AGPS: variants seen among roughly 807,000 people sequenced by gnomAD.
The protein encoded by AGPS is alkylglycerone phosphate synthase, also known as alkyldihydroxyacetonephosphate synthase, peroxisomal.
AGPS carries 26 observed loss-of-function variants against 90.7 expected under a neutral mutation model. The observed-to-expected ratio is 0.29, with a 90% CI of 0.21 to 0.40. The LOEUF (loss-of-function observed/expected upper bound fraction) is 0.40. Ranked by LOEUF, AGPS falls within the 10% of genes least tolerant of loss-of-function variation. The pLI is 1.00. For missense variants in AGPS, 540 were observed against 816.1 expected (o/e 0.66, Z 4.12); for synonymous variants, 294 against 285.3 (o/e 1.03, Z -0.31).
At chr2:177,412,566 C>G (rs1334661467) in intron 1 of AGPS, among the ~76,000 whole-genome samples, 4 of 152,070 alleles carry the variant, frequency 2.6e-5, no homozygotes, top group Non-Finnish European at 5.9e-5. Flanking sequence ...CCTGTATTTT[C>G]CTCTGATTCT....
rs1161565847 is a variant in AGPS, at chr2:177,542,204, T to C, written c.*4009T>C. 6.6e-6 allele frequency: 1 copy of C among 152,178 alleles called. No homozygotes were observed. Among genetic ancestry groups the C allele is most frequent in the African/African-American group, 2.4e-5 (1 of 41,450 alleles). 9.4% of individuals were successfully genotyped at this position (152,178 alleles called of 1,614,324 possible). A position where few individuals can be genotyped will look rare whatever the true frequency, so the allele number is the denominator to read the frequency against. ...TAGCATAATCAAGTGCAAAATCAAG[T>C]GCAACCTACTTGTGACTAAATCTCT... On this transcript the variant is annotated 3_prime_UTR_variant, in exon 20 of 20. Coordinates refer to ENST00000264167, the MANE Select transcript of AGPS (RefSeq NM_003659.4).
chr2:177,430,848 T>C (rs190900916), intron 2 of AGPS, among the ~76,000 whole-genome samples: 1 of 152,326 alleles, frequency 6.6e-6, no homozygotes, highest in Non-Finnish European at 1.5e-5. Context: ...AATGTCACTA[T>C]TTTTGACTTT....
intron 19 of AGPS, among the ~76,000 whole-genome samples, chr2:177,532,982 G>A (rs867720043): frequency 7.9e-5 from 12 of 152,312 alleles, no homozygotes; most frequent in Non-Finnish European, 1.8e-4. Flanking sequence ...TGAGGCTGGA[G>A]AGGGTGTGAC....
intron 14 of AGPS, among the ~76,000 whole-genome samples, chr2:177,504,269 C>A (rs2218575): frequency 0.84 from 128,082 of 152,112 alleles, 54,116 homozygotes; most frequent in East Asian, 0.95. Flanking sequence ...TTTTCCTTTA[C>A]GCACTTGCCA....
rs558096287 is a variant in AGPS at position 177,468,585 on chromosome 2, ATCTT to A, written c.1105+63_1105+66del. On this transcript the variant is annotated intron_variant, in intron 10 of 19. Transcript: ENST00000264167. ...AGGTTAGTCATGCAGTTTTGTGAAAATCTTTATATTGTGACATCAGATCTTTGAA... is the reference window on the plus strand; with the variant it reads ...AGGTTAGTCATGCAGTTTTGTGAAAATATATTGTGACATCAGATCTTTGAA... 8.4e-4 allele frequency: 983 copies of A among 1,172,338 alleles called. 10 individuals carry two copies. The African/African-American group carries it at 0.013, about 16-fold the overall frequency. 72.6% of individuals were successfully genotyped at this position (1,172,338 alleles called of 1,614,324 possible).
intron 19 of AGPS, among the ~76,000 whole-genome samples, chr2:177,536,995 G>A (rs568281532): frequency 1.3e-5 from 2 of 152,268 alleles, no homozygotes; most frequent in Admixed American, 6.5e-5. Flanking sequence ...TCCCATTTCA[G>A]TTGGTCAATT....
At chr2:177,509,393 G>A (rs1181026769) in intron 16 of AGPS, among the ~76,000 whole-genome samples, 1 of 152,154 alleles carries the variant, frequency 6.6e-6, no homozygotes. Context: ...GCGGCTGGGC[G>A]CGGTGGCTCA....
intron 9 of AGPS, among the ~76,000 whole-genome samples, chr2:177,464,656 A>G (rs1687396164): frequency 6.6e-6 from 1 of 152,228 alleles, no homozygotes; most frequent in Non-Finnish European, 1.5e-5. Flanking sequence ...ATACTTCTCA[A>G]TTTAGTGAAT....
intron 11 of AGPS, among the ~76,000 whole-genome samples, chr2:177,484,168 A>T (rs1379189918): frequency 1.3e-5 from 2 of 152,032 alleles, no homozygotes; most frequent in East Asian, 3.9e-4. Context: ...TTGTGTAATG[A>T]TTTTGGATTA....
chr2:177,421,497 A>G (rs1266029244), intron 2 of AGPS, among the ~76,000 whole-genome samples: 1 of 152,042 alleles, frequency 6.6e-6, no homozygotes, highest in Non-Finnish European at 1.5e-5. Context: ...CCTCAGGAAT[A>G]GTAATTTGAA....
chr2:177,416,493 A>T (rs1685787463), intron 1 of AGPS, among the ~76,000 whole-genome samples: 1 of 151,918 alleles, frequency 6.6e-6, no homozygotes, highest in South Asian at 2.1e-4. Context: ...AATCAAGCCA[A>T]CTATTCTTTC....
At chr2:177,535,042 G>A (rs1044519037) in intron 19 of AGPS, among the ~76,000 whole-genome samples, 2 of 152,076 alleles carry the variant, frequency 1.3e-5, no homozygotes, top group Non-Finnish European at 2.9e-5. Context: ...TTCAGAGATG[G>A]TGATCTTGGC....
intron 8 of AGPS, 150 bp from the exon 9 acceptor site, chr2:177,461,743 A>T: frequency 1.4e-6 from 1 of 704,166 alleles, no homozygotes; most frequent in Non-Finnish European, 2.2e-6. Context: ...GTGTGATAAA[A>T]GTATCTTTTT....
chr2:177,533,281 T>C (rs1304102367), intron 19 of AGPS, among the ~76,000 whole-genome samples: 2 of 152,224 alleles, frequency 1.3e-5, no homozygotes, highest in East Asian at 3.9e-4. Flanking sequence ...ACAATTTAAC[T>C]GAACATTAAA....
chr2:177,401,912 G>A (rs1295979839), intron 1 of AGPS, among the ~76,000 whole-genome samples: 1 of 152,052 alleles, frequency 6.6e-6, no homozygotes, highest in Non-Finnish European at 1.5e-5. Flanking sequence ...ATATCACCCA[G>A]CCCTGTTCAT....
In AGPS at chr2:177,428,276, C is replaced by A. The variant is rs74758507; in HGVS notation, c.351-6051C>A. Among the ~76,000 whole-genome samples, 18 of 152,288 alleles carry A rather than the reference C, an allele frequency of 1.2e-4. 1 individual carries two copies. The East Asian group carries it at 2.5e-3, about 21-fold the overall frequency. On this transcript the variant is annotated intron_variant, in intron 2 of 19. Transcript: ENST00000264167. ...TGCTAATGGGTCTTGACTCTTCACC[C>A]ACCTTGCAATTCTGTGTCTTTTAAT...
chr2:177,457,686 A>G (rs1364550685), intron 8 of AGPS, among the ~76,000 whole-genome samples: 1 of 152,234 alleles, frequency 6.6e-6, no homozygotes. Context: ...TTGAGGCAGT[A>G]ATTAATAGCC....
chr2:177,480,582 G>C (rs185029414), intron 10 of AGPS, among the ~76,000 whole-genome samples: 155 of 152,128 alleles, frequency 1.0e-3, no homozygotes, highest in African/African-American at 3.5e-3. Flanking sequence ...CTGTTGTGGC[G>C]GGGGGAAGTG....
At chr2:177,458,924 A>G (rs1687201377) in intron 8 of AGPS, among the ~76,000 whole-genome samples, 1 of 152,206 alleles carries the variant, frequency 6.6e-6, no homozygotes, top group South Asian at 2.1e-4. Flanking sequence ...ACTTCAAACT[A>G]TACTACAAGG....
Sources: allele counts gnomAD v4.1 joint callset (sites outside exome capture counted in the v4.1 genomes callset), GRCh38; gene constraint gnomAD v4.1.1; transcripts MANE v1.5; gene names NCBI Gene and HGNC (gene_info 2026-07-23, HGNC 2026-07-21).